Variants in MDN1 observed in about 807,000 individuals in gnomAD.
The protein encoded by MDN1 is midasin AAA ATPase 1, also known as midasin.
Under a neutral mutation model 669.2 loss-of-function variants are expected in MDN1, and 266 were observed. That is an observed-to-expected ratio of 0.40 (90% confidence interval 0.36 to 0.44). MDN1 has a LOEUF of 0.44. Among genes scored for constraint, MDN1 ranks in the 20% least tolerant of loss-of-function variants. The pLI is 1.00. For missense variants in MDN1, 5,940 were observed against 6,754.0 expected (o/e 0.88, Z 4.22); for synonymous variants, 2,385 against 2,457.1 (o/e 0.97, Z 0.87).
intron 17 of MDN1, among the ~76,000 whole-genome samples, 170 bp from the exon 18 acceptor site, chr6:89,759,130 T>C (rs1363835014): frequency 6.6e-6 from 1 of 152,180 alleles, no homozygotes; most frequent in Non-Finnish European, 1.5e-5. Flanking sequence ...CCAAGTTAAT[T>C]TTTTAAATGT....
chr6:89,776,172 T>C (rs1307650889), intron 12 of MDN1, among the ~76,000 whole-genome samples: 1 of 152,148 alleles, frequency 6.6e-6, no homozygotes, highest in African/African-American at 2.4e-5. Context: ...TTTAAGAATG[T>C]GGAACATGGC....
chr6:89,684,519 A>C (rs1811872173), intron 71 of MDN1, among the ~76,000 whole-genome samples: 1 of 152,154 alleles, frequency 6.6e-6, no homozygotes, highest in Non-Finnish European at 1.5e-5. Flanking sequence ...GAGAATATCA[A>C]AAAGAGCGGT....
At position 89,772,265 on chromosome 6, in the gene MDN1, C is replaced by A. The variant is rs1041796564; in HGVS notation, c.2083+308G>T. On this transcript the variant is annotated intron_variant, in intron 14 of 101. Transcript: ENST00000369393. ...CTGCACTCCAGCCTCAGCAACAGTG[C>A]GACCCTGTCTCAAAAAGAATAAAAA... is the stretch of plus-strand genomic sequence containing the variant. Among the ~76,000 whole-genome samples the A allele has an allele frequency of 2.0e-5, 3 of 151,898 alleles. No homozygotes were observed. The East Asian group carries it at 5.8e-4, about 29-fold the overall frequency.
rs1815482641 is a variant in MDN1 at position 89,729,836 on chromosome 6, T to C, written c.5141-697A>G. ...AGCACTGAGTCCTATGATGGTGGCT[T>C]AGAGAAGGGATTTGATGGTTAGATT... On this transcript the variant is annotated intron_variant, in intron 35 of 101. Transcript: ENST00000369393. Among the ~76,000 whole-genome samples the C allele has an allele frequency of 3.3e-5, 5 of 151,964 alleles. No homozygotes were observed. The South Asian group carries it at 1.0e-3, about 32-fold the overall frequency.
At chr6:89,666,245 C>G (rs1256266707) in intron 84 of MDN1, among the ~76,000 whole-genome samples, 1 of 152,208 alleles carries the variant, frequency 6.6e-6, no homozygotes, top group Admixed American at 6.5e-5. Context: ...TCATGCTTTA[C>G]AGACTTATGC....
intron 22 of MDN1, among the ~76,000 whole-genome samples, chr6:89,752,008 CTT>C (rs1816980675): frequency 6.6e-6 from 1 of 152,176 alleles, no homozygotes; most frequent in African/African-American, 2.4e-5. Context: ...GTAAACCTGA[CTT>C]TTCAGAGCAA....
Position 89,701,569 on chromosome 6 carries a change from A to G in MDN1, c.8416T>C (p.Phe2806Leu), listed in dbSNP as rs572536176. The G allele has an allele frequency of 2.7e-5, 44 of 1,614,136 alleles. No homozygotes were observed. In the African/African-American group the frequency reaches 5.2e-4, roughly 19 times the overall value. The change falls in exon 55 of 102, where the codon TTT becomes CTT. Residue 2806 changes from phenylalanine (F) to leucine (L), a missense_variant. By Grantham distance (22) the Phe-to-Leu change is conservative (BLOSUM62 0). Around this residue, in one of 5 missense-constraint regions of MDN1, gnomAD observed 2,292 missense variants for 2,638.3 expected, o/e 0.87. Transcript: ENST00000369393. ...GCTTCCAGGTGTACCTTAAAAGGAA[A>G]CGGTCGTCCCAGGAACTTCTGCAAC... ...KKLQKFLGRP[F>L]PFKDKLVVEC...
At chr6:89,666,240 C>A (rs906357290) in intron 84 of MDN1, among the ~76,000 whole-genome samples, 10 of 152,192 alleles carry the variant, frequency 6.6e-5, no homozygotes, top group Non-Finnish European at 1.5e-4. Flanking sequence ...AGAGATCATG[C>A]TTTACAGACT....
intron 73 of MDN1, among the ~76,000 whole-genome samples, chr6:89,681,456 G>A (rs1176368395): frequency 6.6e-6 from 1 of 152,130 alleles, no homozygotes; most frequent in Admixed American, 6.5e-5. Flanking sequence ...TTACAGGCAT[G>A]AGCCACCGCA....
chr6:89,648,133 C>A lies in MDN1; in HGVS notation c.16294G>T (p.Val5432Leu). The change falls in exon 99 of 102, where the codon GTA (valine) becomes TTA (leucine). Residue 5432 changes from valine to leucine, a missense_variant. Physicochemically the swap from Val to Leu is conservative, Grantham distance 32. Transcript: ENST00000369393. ...TCATGAAATGGGTGTAACAGCTTTA[C>A]AGATTCTCCAAAACTTGGGGGAGGA... ...QIAVCSFGES[V>L]KLLHPFHEQF... 6.2e-7 allele frequency: 1 copy of A among 1,613,908 alleles called. No homozygotes were observed. The highest frequency in any genetic ancestry group is 8.5e-7 in the Non-Finnish European group (1 of 1,179,794).
chr6:89,690,907 A>G (rs1812338101), intron 63 of MDN1, 73 bp from the exon 64 acceptor site: 2 of 1,512,644 alleles, frequency 1.3e-6, no homozygotes, highest in Admixed American at 4.2e-5. Context: ...ATTTGCTATT[A>G]ATTTCTCATG....
chr6:89,665,153 C>T (rs1810097626), intron 84 of MDN1, among the ~76,000 whole-genome samples: 1 of 152,002 alleles, frequency 6.6e-6, no homozygotes, highest in Non-Finnish European at 1.5e-5. Flanking sequence ...TCAGCCTCCC[C>T]AGTAGCTGGC....
At chr6:89,650,911 G>T in intron 95 of MDN1, 64 bp from the exon 96 acceptor site, 1 of 1,366,666 alleles carries the variant, frequency 7.3e-7, no homozygotes, top group Non-Finnish European at 1.0e-6. Flanking sequence ...CTTCTAGCAA[G>T]ATGCAGGCTT....
chr6:89,819,156 G>A (rs1169756416), intron 1 of MDN1, among the ~76,000 whole-genome samples: 1 of 152,146 alleles, frequency 6.6e-6, no homozygotes, highest in Non-Finnish European at 1.5e-5. Flanking sequence ...TAGGTGATAC[G>A]TACACTTGTC....
chr6:89,676,221 C>G lies in MDN1; in HGVS notation c.12540-14G>C, dbSNP rs544582191. 3.1e-6 allele frequency: 5 copies of G among 1,611,288 alleles called. No individual in the cohort carries two copies. In the Admixed American group the frequency reaches 6.7e-5, roughly 21 times the overall value. On this transcript the variant is annotated splice_polypyrimidine_tract_variant and intron_variant, in intron 76 of 101. Transcript: ENST00000369393. ...TCTGTAAGCAGCCTGGAAAAGATAT[C>G]AACATTGTTTACTTAATTAAAACCA...
At chr6:89,811,841 A>T (rs1768437945) in intron 1 of MDN1, among the ~76,000 whole-genome samples, 1 of 152,070 alleles carries the variant, frequency 6.6e-6, no homozygotes, top group Non-Finnish European at 1.5e-5. Flanking sequence ...AAGGGAAAGG[A>T]CTGCATTCCT....
chr6:89,674,456 T>C lies in MDN1; in HGVS notation c.12895A>G (p.Ile4299Val), dbSNP rs558531124. ...AGCCAGGAGAGCTGCTCAAGCAGGA[T>C]CTGGCACTGCATGGCCAGGTGCTGC... ...RLQHLAMQCQILLEQLSWLLQ... is the reference protein window; with the variant it reads ...RLQHLAMQCQVLLEQLSWLLQ... The change falls in exon 79 of 102, where the codon ATC (isoleucine) becomes GTC (valine). Residue 4299 changes from isoleucine to valine, a missense_variant. Physicochemically the swap from Ile to Val is conservative, Grantham distance 29. This residue lies in a region of MDN1 where 2,280 missense variants were observed against 2,576.3 expected (regional missense o/e 0.88). Coordinates refer to ENST00000369393, the MANE Select transcript of MDN1 (RefSeq NM_014611.3). 1.9e-6 allele frequency: 3 copies of C among 1,613,820 alleles called. No individual in the cohort carries two copies. In the South Asian group the frequency reaches 3.3e-5, roughly 18 times the overall value.
At chr6:89,808,315 G>A (rs1241113946) in intron 1 of MDN1, among the ~76,000 whole-genome samples, 2 of 151,974 alleles carry the variant, frequency 1.3e-5, no homozygotes, top group African/African-American at 4.8e-5. Context: ...GTTCTAGCAG[G>A]CAGTTAATCA....
intron 40 of MDN1, 25 bp from the exon 41 acceptor site, chr6:89,719,250 A>C (rs781056151): frequency 3.5e-5 from 55 of 1,573,468 alleles, no homozygotes; most frequent in Non-Finnish European, 4.5e-5. Flanking sequence ...TAATGCAATG[A>C]AAACACAAAT....
Sources: gnomAD v4.1 joint callset for allele counts (sites outside exome capture counted in the v4.1 genomes callset) on GRCh38, gnomAD v4.1.1 for gene constraint, gnomAD v4.1.1 regional missense constraint, MANE v1.5 for transcripts, NCBI Gene and HGNC (gene_info 2026-07-23, HGNC 2026-07-21) for gene names.